DMD: variants seen among roughly 807,000 people sequenced by gnomAD.
DMD encodes the protein dystrophin, also known as mutant dystrophin.
DMD carries 63 observed loss-of-function variants against 330.1 expected under a neutral mutation model. The observed-to-expected ratio is 0.19, with a 90% confidence interval of 0.16 to 0.24. The LOEUF is 0.24. Among genes scored for constraint, DMD ranks in the 10% least tolerant of loss-of-function variants. The pLI is 1.00. For synonymous variants in DMD, 1,223 were observed against 959.8 expected, an observed-to-expected ratio of 1.27 and a Z score of -5.07; for missense variants, 3,344 against 2,684.1, an observed-to-expected ratio of 1.25 and a Z score of -5.43.
intron 9 of DMD, among the ~76,000 whole-genome samples, chrX:32,654,413 G>A (rs2060405280): frequency 9.0e-6 from 1 of 111,565 alleles, no homozygotes; most frequent in African/African-American, 3.3e-5. Context: ...ATAATCATGT[G>A]GTTTCTATCT....
intron 2 of DMD, among the ~76,000 whole-genome samples, chrX:32,929,936 C>T (rs1218798931): frequency 9.0e-6 from 1 of 111,700 alleles, no homozygotes; most frequent in African/African-American, 3.2e-5. Flanking sequence ...TGTATATGTG[C>T]CACATTTTCT....
intron 12 of DMD, among the ~76,000 whole-genome samples, chrX:32,600,880 G>T (rs2149288732): frequency 9.0e-6 from 1 of 110,838 alleles, no homozygotes; most frequent in African/African-American, 3.3e-5. Context: ...ATCCAGGAAA[G>T]AAGTATCTTA....
At chrX:33,334,908 A>G (rs1473937433) in intron 1 of DMD, among the ~76,000 whole-genome samples, 2 of 111,719 alleles carry the variant, frequency 1.8e-5, no homozygotes, top group Non-Finnish European at 3.8e-5. Flanking sequence ...CACTTTAGGA[A>G]TAAGGAGTGC....
At chrX:31,891,170 T>C (rs1371794862) in intron 47 of DMD, among the ~76,000 whole-genome samples, 1 of 111,539 alleles carries the variant, frequency 9.0e-6, no homozygotes, top group East Asian at 2.8e-4. Context: ...GAACACAACA[T>C]CGGGAAGAGT....
chrX:33,192,633 C>T (rs1393665884), intron 1 of DMD, among the ~76,000 whole-genome samples: 1 of 111,820 alleles, frequency 8.9e-6, no homozygotes, highest in African/African-American at 3.3e-5. Context: ...AAATTTAAGC[C>T]AGAGGGGAAA....
At chrX:32,507,935 G>A (rs1423272515) in intron 18 of DMD, among the ~76,000 whole-genome samples, 2 of 110,637 alleles carry the variant, frequency 1.8e-5, no homozygotes, top group African/African-American at 6.6e-5. Flanking sequence ...TATAATTTCA[G>A]CTTTCTTTCA....
chrX:32,640,558 T>A (rs2059384696), intron 11 of DMD, among the ~76,000 whole-genome samples: 1 of 110,707 alleles, frequency 9.0e-6, no homozygotes, highest in South Asian at 3.9e-4. Context: ...TAATAGTAAC[T>A]GTGGGCACAA....
intron 62 of DMD, among the ~76,000 whole-genome samples, chrX:31,266,345 C>G (rs2051114600): frequency 9.0e-6 from 1 of 111,210 alleles, no homozygotes; most frequent in African/African-American, 3.3e-5. Flanking sequence ...AGAAATCAGG[C>G]AGAAAGTTGA....
intron 7 of DMD, among the ~76,000 whole-genome samples, chrX:32,709,893 G>T (rs779556420): frequency 9.0e-6 from 1 of 111,557 alleles, no homozygotes; most frequent in East Asian, 2.8e-4. Context: ...CAATGACTGA[G>T]AAGTAGTAGG....
chrX:33,174,387 T>C (rs1220514680), intron 1 of DMD, among the ~76,000 whole-genome samples: 1 of 111,824 alleles, frequency 8.9e-6, no homozygotes, highest in Non-Finnish European at 1.9e-5. Context: ...TGCTGTGGAT[T>C]TCTTCATATC....
chrX:32,143,714 T>G (rs913322004), intron 44 of DMD, among the ~76,000 whole-genome samples: 14 of 107,839 alleles, frequency 1.3e-4, no homozygotes, highest in African/African-American at 4.4e-4. Context: ...GGCTAATTTT[T>G]TTTTTTTTGT....
chrX:33,322,818 G>A (rs2054035096), intron 1 of DMD, among the ~76,000 whole-genome samples: 2 of 111,895 alleles, frequency 1.8e-5, no homozygotes, highest in Non-Finnish European at 3.8e-5. Context: ...TGTCTATTGT[G>A]ATGTAAATAT....
intron 2 of DMD, among the ~76,000 whole-genome samples, chrX:33,008,915 T>TGTATATATACATGTATATATACACAC (rs1397212287): frequency 2.5e-5 from 2 of 79,988 alleles, no homozygotes; most frequent in South Asian, 5.7e-4. Context: ...TACTCATATA[T>TGTATATATACATGTATATATACACAC]GTATATATAC....
chrX:31,496,951 A>T lies in DMD; in HGVS notation c.8391-7T>A, dbSNP rs767965697. On this transcript the variant is annotated splice_region_variant and splice_polypyrimidine_tract_variant and intron_variant, in intron 56 of 78. Coordinates refer to ENST00000357033, the MANE Select transcript of DMD (RefSeq NM_004006.3). ...ACTGGCTTCCAAATGGGACCTGAAAAAGAACAGCAGCGTACCATGTCAGAA... is the reference window on the plus strand; with the variant it reads ...ACTGGCTTCCAAATGGGACCTGAAATAGAACAGCAGCGTACCATGTCAGAA... 8.3e-7 allele frequency: 1 copy of T among 1,205,076 alleles called. No homozygotes were observed. Among genetic ancestry groups the T allele is most frequent in the Non-Finnish European group, 1.1e-6 (1 of 891,554 alleles).
intron 60 of DMD, among the ~76,000 whole-genome samples, chrX:31,390,401 G>A (rs1231728938): frequency 1.8e-5 from 2 of 110,050 alleles, no homozygotes; most frequent in Middle Eastern, 4.2e-3. Flanking sequence ...CTTCTAGCTC[G>A]GGTCTCTCCT....
intron 11 of DMD, chrX:32,641,537 A>C: frequency 6.4e-6 from 1 of 156,169 alleles, no homozygotes; most frequent in Non-Finnish European, 1.5e-5. Context: ...AAAAAACATG[A>C]TTACTTTTGC....
At position 32,098,138 on chromosome X, in the gene DMD, G is replaced by A. The variant is rs139284455; in HGVS notation, c.6438+118778C>T. 5.7e-3 allele frequency among the ~76,000 whole-genome samples: 631 copies of A among 111,614 alleles called. 6 individuals carry two copies. Among genetic ancestry groups the A allele is most frequent in the African/African-American group, 0.019 (593 of 30,819 alleles). Reference sequence around the variant, plus strand: ...GCGTGATATATGCATATATATGTACGTAGGTACACATATTTGTAATTTATG... The same window carrying A: ...GCGTGATATATGCATATATATGTACATAGGTACACATATTTGTAATTTATG... On this transcript the variant is annotated intron_variant, in intron 44 of 78. Coordinates refer to ENST00000357033, the MANE Select transcript of DMD (RefSeq NM_004006.3).
intron 54 of DMD, among the ~76,000 whole-genome samples, chrX:31,656,045 A>T (rs5927792): frequency 0.073 from 8,196 of 111,869 alleles, 272 homozygotes; most frequent in South Asian, 0.18. Flanking sequence ...GATCATTCTC[A>T]GCTGGAATTA....
chrX:32,070,755 G>A (rs907795154), intron 44 of DMD, among the ~76,000 whole-genome samples: 4 of 111,270 alleles, frequency 3.6e-5, no homozygotes, highest in African/African-American at 6.5e-5. Context: ...TCACTGATAC[G>A]TGGGAGCTAA....
Sources: allele counts gnomAD v4.1 joint callset (sites outside exome capture counted in the v4.1 genomes callset), GRCh38; gene constraint gnomAD v4.1.1; transcripts MANE v1.5; gene names NCBI Gene and HGNC (gene_info 2026-07-23, HGNC 2026-07-21).